Variants in VPS13B observed in about 807,000 individuals in gnomAD.
The protein encoded by VPS13B is intermembrane lipid transfer protein VPS13B.
Under a neutral mutation model 426.4 loss-of-function variants are expected in VPS13B, and 285 were observed. That is an observed-to-expected ratio of 0.67 (90% CI 0.61 to 0.74). VPS13B has a LOEUF of 0.74. VPS13B is among the 30% of genes least tolerant of loss of function. The pLI is 0.00. For missense variants in VPS13B, 4,537 were observed against 4,782.6 expected, an observed-to-expected ratio of 0.95 and a Z score of 1.51; for synonymous variants, 1,676 against 1,676.4, an observed-to-expected ratio of 1.00 and a Z score of 0.01.
At chr8:99,721,484 G>T (rs1272451190) in intron 39 of VPS13B, among the ~76,000 whole-genome samples, 1 of 152,158 alleles carries the variant, frequency 6.6e-6, no homozygotes, top group African/African-American at 2.4e-5. Flanking sequence ...GGGGCTTGAG[G>T]TAGGCTGATT....
chr8:99,273,936 G>A (rs1398283367), intron 17 of VPS13B, among the ~76,000 whole-genome samples: 1 of 151,724 alleles, frequency 6.6e-6, no homozygotes, highest in East Asian at 1.9e-4. Context: ...TTTTTAAAAA[G>A]TATTTGTGCA....
chr8:99,210,220 A>T (rs780312701), intron 17 of VPS13B, among the ~76,000 whole-genome samples: 3 of 152,176 alleles, frequency 2.0e-5, no homozygotes, highest in Non-Finnish European at 4.4e-5. Context: ...TGCTCTGGGA[A>T]TCAGCATTTC....
rs936312491 is a variant in VPS13B, at chr8:99,413,584, C to G, written c.3083-17953C>G. On this transcript the variant is annotated intron_variant, in intron 21 of 61. Transcript: ENST00000357162. ...TGGGCATTTAGTGCTATAAATTTCC[C>G]TCTAAACACTGCTTTAGCTGTATCC... Among the ~76,000 whole-genome samples, 15 of 152,178 alleles carry G rather than the reference C, an allele frequency of 9.9e-5. No individual in the cohort carries two copies. In the South Asian group the frequency reaches 1.2e-3, roughly 13 times the overall value.
At chr8:99,721,653 T>C (rs772213785) in intron 39 of VPS13B, among the ~76,000 whole-genome samples, 2 of 152,200 alleles carry the variant, frequency 1.3e-5, no homozygotes, top group Non-Finnish European at 2.9e-5. Context: ...TCTCTTAAAA[T>C]TTGTTTCTCC....
intron 54 of VPS13B, among the ~76,000 whole-genome samples, chr8:99,845,642 T>A (rs931587077): frequency 1.3e-5 from 2 of 152,224 alleles, no homozygotes; most frequent in East Asian, 3.8e-4. Flanking sequence ...GAAAGTCGCA[T>A]AGCCACGCCC....
At chr8:99,707,157 C>T (rs368927818) in intron 36 of VPS13B, among the ~76,000 whole-genome samples, 1 of 152,134 alleles carries the variant, frequency 6.6e-6, no homozygotes, top group Non-Finnish European at 1.5e-5. Context: ...TTACTAAGAA[C>T]TAATAGCAGT....
At chr8:99,027,899 G>T (rs1459782370) in intron 2 of VPS13B, among the ~76,000 whole-genome samples, 2 of 152,132 alleles carry the variant, frequency 1.3e-5, no homozygotes, top group African/African-American at 4.8e-5. Flanking sequence ...GCCTTCCGCA[G>T]TGTTTGTGTC....
At chr8:99,365,516 C>CTTCTTTTTTTTT (rs71273182) in intron 19 of VPS13B, among the ~76,000 whole-genome samples, 14 of 102,388 alleles carry the variant, frequency 1.4e-4, no homozygotes, top group South Asian at 3.5e-4. Flanking sequence ...TCTTCTTCTT[C>CTTCTTTTTTTTT]TTTTTTTTTT....
chr8:99,414,151 C>T (rs575063208), intron 21 of VPS13B, among the ~76,000 whole-genome samples: 22 of 151,084 alleles, frequency 1.5e-4, no homozygotes, highest in Non-Finnish European at 2.2e-4. Flanking sequence ...AGCTTGATCC[C>T]TTTATCATTA....
intron 43 of VPS13B, among the ~76,000 whole-genome samples, chr8:99,785,789 G>C (rs1812229222): frequency 6.6e-6 from 1 of 152,054 alleles, no homozygotes; most frequent in African/African-American, 2.4e-5. Context: ...CACCTAGAGA[G>C]AACTCATGTT....
chr8:99,534,141 A>T (rs916335981), intron 30 of VPS13B, among the ~76,000 whole-genome samples: 3 of 152,178 alleles, frequency 2.0e-5, no homozygotes, highest in Non-Finnish European at 4.4e-5. Flanking sequence ...TGAAAATATT[A>T]TCGGCAGAGT....
chr8:99,372,399 T>G (rs1423115231), intron 19 of VPS13B, among the ~76,000 whole-genome samples: 2 of 152,202 alleles, frequency 1.3e-5, no homozygotes, highest in Non-Finnish European at 2.9e-5. Context: ...GAGAAATTTT[T>G]TGCAATCTAC....
At chr8:99,113,658 G>A (rs13269607) in intron 6 of VPS13B, among the ~76,000 whole-genome samples, 1 of 152,058 alleles carries the variant, frequency 6.6e-6, no homozygotes, top group East Asian at 1.9e-4. Context: ...TCTGCCTCCC[G>A]GGTTCAAGTG....
intron 39 of VPS13B, among the ~76,000 whole-genome samples, chr8:99,739,437 G>T (rs1376830170): frequency 6.6e-6 from 1 of 152,224 alleles, no homozygotes; most frequent in African/African-American, 2.4e-5. Context: ...AACCTCTGCA[G>T]ACTTAAATGT....
At chr8:99,815,259 A>G (rs1463549225) in intron 44 of VPS13B, among the ~76,000 whole-genome samples, 1 of 152,130 alleles carries the variant, frequency 6.6e-6, no homozygotes, top group Non-Finnish European at 1.5e-5. Flanking sequence ...TGTAGCTCCC[A>G]TCTGATTACA....
intron 21 of VPS13B, among the ~76,000 whole-genome samples, chr8:99,416,883 G>C (rs1816047597): frequency 6.6e-6 from 1 of 152,170 alleles, no homozygotes; most frequent in South Asian, 2.1e-4. Flanking sequence ...CCAGCCACCT[G>C]TGTTACTAGA....
rs1271794078 is a variant in VPS13B at position 99,164,121 on chromosome 8, C to G, written c.2209-5918C>G. 2.0e-5 allele frequency among the ~76,000 whole-genome samples: 3 copies of G among 152,116 alleles called. No homozygotes were observed. The East Asian group carries it at 5.8e-4, about 29-fold the overall frequency. The stretch of plus-strand genomic sequence containing the variant: ...CCAGGGGAAGTGCCAGTGGGTCGGT[C>G]CAGGGGTCCCGGGTAGAAGTTGTTA... On this transcript the variant is annotated intron_variant, in intron 15 of 61. Transcript: ENST00000357162.
intron 3 of VPS13B, among the ~76,000 whole-genome samples, chr8:99,089,078 A>G (rs1454520408): frequency 6.6e-6 from 1 of 152,128 alleles, no homozygotes; most frequent in Non-Finnish European, 1.5e-5. Context: ...CCTTTTTCTC[A>G]TAGGGAGGCA....
At chr8:99,740,655 T>A (rs1316605891) in intron 39 of VPS13B, among the ~76,000 whole-genome samples, 2 of 151,926 alleles carry the variant, frequency 1.3e-5, no homozygotes, top group East Asian at 3.9e-4. Context: ...CAGAAGAGAG[T>A]GGGGGCCAAT....
Sources: allele counts gnomAD v4.1 joint callset (sites outside exome capture counted in the v4.1 genomes callset), GRCh38; gene constraint gnomAD v4.1.1; transcripts MANE v1.5; gene names NCBI Gene and HGNC (gene_info 2026-07-23, HGNC 2026-07-21).